Variants in ILDR1 observed in about 807,000 individuals in gnomAD.
ILDR1 encodes immunoglobulin like domain containing receptor 1.
In ILDR1, 56 loss-of-function variants were observed where a neutral mutation model predicts 62.4. The ratio of observed to expected loss-of-function variants is 0.90; its 90% confidence interval spans 0.72 to 1.12. The LOEUF is 1.12. Ranked by LOEUF, ILDR1 falls within the 50% of genes most tolerant of loss-of-function variation. ILDR1 has a pLI of 0.00. For synonymous variants in ILDR1, 284 were observed against 277.8 expected, an observed-to-expected ratio of 1.02 and a Z score of -0.22; for missense variants, 736 against 710.6, an observed-to-expected ratio of 1.04 and a Z score of -0.41.
At chr3:122,003,433 T>C (rs1284456684) in intron 3 of ILDR1, among the ~76,000 whole-genome samples, 1 of 152,172 alleles carries the variant, frequency 6.6e-6, no homozygotes, top group African/African-American at 2.4e-5. Context: ...ATGATGAAAG[T>C]GCTTTTAAAA....
chr3:122,036,463 C>T, the ILDR1 span, among the ~76,000 whole-genome samples: 1 of 151,856 alleles, frequency 6.6e-6, no homozygotes, highest in Non-Finnish European at 1.5e-5. Flanking sequence ...GTGGTGGGCA[C>T]CTGTAGTCCC....
chr3:122,040,798 C>G, the ILDR1 span, among the ~76,000 whole-genome samples: 1 of 143,940 alleles, frequency 6.9e-6, no homozygotes, highest in Non-Finnish European at 1.5e-5. Flanking sequence ...AAATGAAAAA[C>G]TGCAATACTA....
At chr3:122,045,558 T>G in the ILDR1 span, among the ~76,000 whole-genome samples, 1 of 149,610 alleles carries the variant, frequency 6.7e-6, no homozygotes, top group Non-Finnish European at 1.5e-5. Context: ...AGTCTAAGTC[T>G]CTTTGTAGGT....
intron 1 of ILDR1, among the ~76,000 whole-genome samples, chr3:122,017,879 A>G (rs2071798331): frequency 6.6e-6 from 1 of 152,242 alleles, no homozygotes; most frequent in Non-Finnish European, 1.5e-5. Flanking sequence ...TGATCATTAA[A>G]AGTCAGGAAA....
At chr3:122,024,792 G>C (rs536229828), upstream of ILDR1, among the ~76,000 whole-genome samples, 1 of 152,200 alleles carries the variant, frequency 6.6e-6, no homozygotes, top group African/African-American at 2.4e-5. Context: ...GCCTAGGTGA[G>C]GTGATCTGAC....
the ILDR1 span, among the ~76,000 whole-genome samples, chr3:122,060,261 G>A: frequency 1.3e-5 from 2 of 152,210 alleles, no homozygotes; most frequent in African/African-American, 4.8e-5. Context: ...GACTGAAAAT[G>A]TCAGTCCAGA....
chr3:122,050,099 T>G, the ILDR1 span, among the ~76,000 whole-genome samples: 2 of 152,348 alleles, frequency 1.3e-5, no homozygotes, highest in South Asian at 2.1e-4. Context: ...CCTCTTTTGG[T>G]TATCATTCGC....
the ILDR1 span, chr3:122,055,411 T>A: frequency 7.1e-7 from 1 of 1,403,380 alleles, no homozygotes; most frequent in African/African-American, 1.4e-5. Context: ...GCTTCTCTGC[T>A]GCTGTAACAG....
intron 1 of ILDR1, among the ~76,000 whole-genome samples, chr3:122,009,092 CCTGA>C (rs1483483535): frequency 6.6e-6 from 1 of 151,668 alleles, no homozygotes; most frequent in Non-Finnish European, 1.5e-5. Flanking sequence ...CACCACCATG[CCTGA>C]CTTTTTAAAT....
intron 1 of ILDR1, among the ~76,000 whole-genome samples, chr3:122,014,893 G>C (rs1361206326): frequency 6.6e-6 from 1 of 152,210 alleles, no homozygotes; most frequent in African/African-American, 2.4e-5. Context: ...GTTTCCCAAA[G>C]TCATTCACCC....
chr3:122,055,598 A>T, the ILDR1 span: 1 of 1,150,800 alleles, frequency 8.7e-7, no homozygotes. Flanking sequence ...TGTGTCCTTC[A>T]CTTAGTTCCT....
At chr3:122,050,570 C>G in the ILDR1 span, among the ~76,000 whole-genome samples, 1 of 139,712 alleles carries the variant, frequency 7.2e-6, no homozygotes. Context: ...TTATGGATGT[C>G]ACAAATTATA....
chr3:122,017,626 A>AT (rs1319213261), intron 1 of ILDR1, among the ~76,000 whole-genome samples: 2 of 152,180 alleles, frequency 1.3e-5, no homozygotes, highest in Non-Finnish European at 2.9e-5. Context: ...ATGGGAGAAA[A>AT]TTTTGCAATC....
chr3:122,023,381 G>A (rs897572145), upstream of ILDR1, among the ~76,000 whole-genome samples: 8 of 152,128 alleles, frequency 5.3e-5, no homozygotes, highest in African/African-American at 1.9e-4. Flanking sequence ...AAGCCCACCA[G>A]CCATCACATT....
chr3:122,010,785 G>T (rs2071691880), intron 1 of ILDR1, among the ~76,000 whole-genome samples: 1 of 152,224 alleles, frequency 6.6e-6, no homozygotes, highest in Non-Finnish European at 1.5e-5. Context: ...ACATACCGAT[G>T]AGAAGAGAGA....
In ILDR1 at chr3:121,993,616, T is replaced by A. The variant is rs762730675; in HGVS notation, c.1133A>T (p.Gln378Leu). Residue 378 changes from glutamine (Q) to leucine (L), a missense_variant, in exon 7 of 8, where the codon CAG (glutamine) becomes CTG (leucine). Transcript: ENST00000344209. Reference protein sequence around the residue: ...RSHHHYPDFHQELQDRGPKSW... With the variant: ...RSHHHYPDFHLELQDRGPKSW... The stretch of plus-strand genomic sequence containing the variant: ...CTTTGGCCCCCGGTCCTGGAGCTCC[T>A]GGTGGAAATCAGGGTAATGGTGGTG... The A allele has an allele frequency of 1.2e-6, 2 of 1,614,176 alleles. No homozygotes were observed. The highest frequency in any genetic ancestry group is 1.7e-6 in the Non-Finnish European group (2 of 1,180,026).
At position 121,993,935 on chromosome 3, in the gene ILDR1, T is replaced by C. The variant is rs779241587; in HGVS notation, c.814A>G (p.Met272Val). The change falls in exon 7 of 8, where the codon ATG becomes GTG. Residue 272 changes from methionine to valine, a missense_variant. By Grantham distance (21) the Met-to-Val change is conservative. Coordinates refer to ENST00000344209, the MANE Select transcript of ILDR1 (RefSeq NM_001199799.2). ...SLPSSLPQMP[M>V]TQTTNQPPIA... The stretch of plus-strand genomic sequence containing the variant: ...GGAGGCTGATTGGTGGTCTGGGTCA[T>C]TGGCATCTGCGGGAGGCTGGACGGC... 30 of 1,612,864 alleles carry C rather than the reference T, an allele frequency of 1.9e-5. No homozygotes were observed. The highest frequency in any genetic ancestry group is 2.2e-5 in the South Asian group (2 of 91,084).
intron 3 of ILDR1, 42 bp downstream of exon 3, chr3:122,005,202 T>TAC: frequency 2.1e-5 from 26 of 1,216,370 alleles, no homozygotes; most frequent in Admixed American, 3.7e-5. Flanking sequence ...TGTCTGCACC[T>TAC]CCCCCCACCC....
At chr3:122,015,769 T>C (rs1416178058) in intron 1 of ILDR1, among the ~76,000 whole-genome samples, 2 of 152,238 alleles carry the variant, frequency 1.3e-5, no homozygotes, top group Admixed American at 1.3e-4. Context: ...ATACACAGTC[T>C]ACAATCAGAT....
Sources: allele counts gnomAD v4.1 joint callset (sites outside exome capture counted in the v4.1 genomes callset), GRCh38; gene constraint gnomAD v4.1.1; transcripts MANE v1.5; gene names NCBI Gene and HGNC (gene_info 2026-07-23, HGNC 2026-07-21).